Variants in ERCC6 observed in about 807,000 individuals in gnomAD.
ERCC6 encodes ERCC excision repair 6, chromatin remodeling factor.
In ERCC6, 116 loss-of-function variants were observed where a neutral mutation model predicts 158.7. That is an observed-to-expected ratio of 0.73 (90% CI 0.63 to 0.85). The LOEUF is 0.85. Ranked by LOEUF, ERCC6 falls within the 40% of genes least tolerant of loss-of-function variation. ERCC6 has a pLI of 0.00. For synonymous variants in ERCC6, 678 were observed against 659.3 expected (o/e 1.03, Z -0.43); for missense variants, 1,698 against 1,799.4 (o/e 0.94, Z 1.02).
rs891019568 is a variant in ERCC6, at chr10:49,456,842, C to A, written c.*1973G>T. On this transcript the variant is annotated 3_prime_UTR_variant, in exon 21 of 21. Coordinates refer to ENST00000355832, the MANE Select transcript of ERCC6 (RefSeq NM_000124.4). ...TCCAAGTCCCTCCAGCCAGGAGGCA[C>A]GGTAACAATGTGTCAGATCTCCACA... The A allele has an allele frequency of 6.6e-6, 1 of 151,000 alleles. No homozygotes were observed. The highest frequency in any genetic ancestry group is 2.1e-4 in the South Asian group (1 of 4,796). The allele number at this position is 151,000 out of a possible 1,614,324, so 9.4% of individuals were successfully genotyped here.
At position 49,478,357 on chromosome 10, in the gene ERCC6, T is replaced by C. The variant is rs2132546787; in HGVS notation, c.2283A>G (p.Glu761=). 2 of 1,601,074 alleles carry C rather than the reference T, an allele frequency of 1.2e-6. No homozygotes were observed. The highest frequency in any genetic ancestry group is 1.7e-6 in the Non-Finnish European group (2 of 1,168,100). ...KMSLSLPDKN[E]QVLFCRLTDE... Reference sequence around the variant, plus strand: ...GTTAACTCCTGGATTTACAGACCTGTTCATTTTTATCTGGCAAAGAAAGGC... The same window carrying C: ...GTTAACTCCTGGATTTACAGACCTGCTCATTTTTATCTGGCAAAGAAAGGC... Residue 761 remains glutamate, a synonymous_variant, in exon 11 of 21, where the codon GAA becomes GAG. Transcript: ENST00000355832.
chr10:49,435,200 TAAAAC>T, the ERCC6 span, among the ~76,000 whole-genome samples: 8 of 152,164 alleles, frequency 5.3e-5, no homozygotes, highest in Non-Finnish European at 1.2e-4. Flanking sequence ...AATATAGTCT[TAAAAC>T]AGAAAAATCA....
Position 49,481,342 on chromosome 10 carries a change from A to T in ERCC6, c.2169+1345T>A, listed in dbSNP as rs4253173. On this transcript the variant is annotated intron_variant, in intron 10 of 20. Coordinates refer to ENST00000355832, the MANE Select transcript of ERCC6 (RefSeq NM_000124.4). ...AAATTATTTCAAAATAAATTTTTTT[A>T]AAAAAAAGAATGGTATAACAGGAGA... is the stretch of plus-strand genomic sequence containing the variant. 3.6e-3 allele frequency among the ~76,000 whole-genome samples: 550 copies of T among 152,150 alleles called. 3 individuals are homozygous for T. The highest frequency in any genetic ancestry group is 0.01 in the African/African-American group (418 of 41,496).
At chr10:49,436,955 G>A in the ERCC6 span, among the ~76,000 whole-genome samples, 1 of 152,204 alleles carries the variant, frequency 6.6e-6, no homozygotes, top group Non-Finnish European at 1.5e-5. Context: ...CAGTGATATG[G>A]TTTGGCTGTG....
rs114694744 is a variant in ERCC6 at position 49,459,139 on chromosome 10, G to A, written c.4158C>T (p.Ser1386=). 29 of 1,614,210 alleles carry A rather than the reference G, an allele frequency of 1.8e-5. No homozygotes were observed. In the African/African-American group the frequency reaches 2.3e-4, roughly 13 times the overall value. The part of the protein sequence containing the change: ...DADSSSGPLA[S]SSLLAKMRAR... ...CTCTCATTTTAGCCAAGAGTGAGGA[G>A]GAAGCGAGGGGCCCGGATGAAGAGT... Residue 1386 remains serine, a synonymous_variant, in exon 21 of 21, where the codon TCC becomes TCT. Transcript: ENST00000355832.
chr10:49,520,927 T>C (rs371329841), intron 5 of ERCC6, among the ~76,000 whole-genome samples: 5 of 152,298 alleles, frequency 3.3e-5, no homozygotes, highest in South Asian at 2.1e-4. Context: ...ATGCGTAACA[T>C]TGTTAATTTG....
chr10:49,539,029 T>A lies in ERCC6; in HGVS notation c.-82A>T, dbSNP rs1837675310. On this transcript the variant is annotated 5_prime_UTR_variant, in exon 1 of 21. Coordinates refer to ENST00000355832, the MANE Select transcript of ERCC6 (RefSeq NM_000124.4). ...GCCGCCAGCCGCCTTGGAACCCAGCTCGACGGGCCGTGGCGCCTGCGCCCT... is the reference window on the plus strand; with the variant it reads ...GCCGCCAGCCGCCTTGGAACCCAGCACGACGGGCCGTGGCGCCTGCGCCCT... 1 of 152,568 alleles carries A rather than the reference T, an allele frequency of 6.6e-6. No homozygotes were observed. The highest frequency in any genetic ancestry group is 1.5e-5 in the Non-Finnish European group (1 of 68,344). 9.5% of individuals were successfully genotyped at this position (152,568 alleles called of 1,614,324 possible).
chr10:49,472,898 TA>T lies in ERCC6; in HGVS notation c.2829+10del, dbSNP rs1850806235. 6.2e-7 allele frequency: 1 copy of T among 1,610,942 alleles called. No homozygotes were observed. The highest frequency in any genetic ancestry group is 1.3e-5 in the African/African-American group (1 of 74,450). Reference sequence around the variant, plus strand: ...CTAATACATTCTTTTAAAAAAAAAATAAAAACAAACCTGCGTGTCCGTGCTT... The same window carrying T: ...CTAATACATTCTTTTAAAAAAAAAATAAAACAAACCTGCGTGTCCGTGCTT... On this transcript the variant is annotated intron_variant, in intron 15 of 20. Coordinates refer to ENST00000355832, the MANE Select transcript of ERCC6 (RefSeq NM_000124.4).
intron 4 of ERCC6, among the ~76,000 whole-genome samples, chr10:49,525,990 C>G (rs1837310076): frequency 1.3e-5 from 2 of 151,582 alleles, no homozygotes; most frequent in African/African-American, 4.9e-5. Context: ...AGTTTGTTAA[C>G]TCTCACTGTT....
intron 18 of ERCC6, among the ~76,000 whole-genome samples, chr10:49,464,763 G>A (rs1850644529): frequency 6.6e-6 from 1 of 152,240 alleles, no homozygotes; most frequent in Non-Finnish European, 1.5e-5. Context: ...AGCCTTGGGA[G>A]CTTCCACACA....
At chr10:49,495,569 A>G (rs201496784) in intron 7 of ERCC6, among the ~76,000 whole-genome samples, 1 of 151,944 alleles carries the variant, frequency 6.6e-6, no homozygotes, top group African/African-American at 2.4e-5. Context: ...ACCACCACAC[A>G]CTAGAAATCT....
rs192814563 is a variant in ERCC6 at position 49,521,814 on chromosome 10, G to A, written c.1397+2219C>T. On this transcript the variant is annotated intron_variant, in intron 5 of 20. Transcript: ENST00000355832. ...AATGAAGGAAAGCAGGATCCAAAGG[G>A]CGACTGCCCAGTTCCATTAAAAAAG... is the stretch of plus-strand genomic sequence containing the variant. Among the ~76,000 whole-genome samples, 22 of 152,326 alleles carry A rather than the reference G, an allele frequency of 1.4e-4. No individual in the cohort carries two copies. The East Asian group carries it at 2.9e-3, about 20-fold the overall frequency.
chr10:49,459,200 A>T lies in ERCC6; in HGVS notation c.4097T>A (p.Val1366Asp). The change falls in exon 21 of 21, where the codon GTC becomes GAC. Residue 1366 changes from valine (V) to aspartate (D), a missense_variant. Coordinates refer to ENST00000355832, the MANE Select transcript of ERCC6 (RefSeq NM_000124.4). ...TGCTCTTCCACTAAAATGCTCAGGG[A>T]CATTATCTTTTCCCTCCTTTTTCAT... is the stretch of plus-strand genomic sequence containing the variant. ...GIMKKEGKDN[V>D]PEHFSGRAED... 6.2e-7 allele frequency: 1 copy of T among 1,614,176 alleles called. No homozygotes were observed.
intron 7 of ERCC6, among the ~76,000 whole-genome samples, chr10:49,499,244 G>A (rs1851315964): frequency 6.6e-6 from 1 of 152,152 alleles, no homozygotes; most frequent in African/African-American, 2.4e-5. Flanking sequence ...ATCTCCAAGT[G>A]TTTTCTTCCC....
Position 49,455,927 on chromosome 10 carries a change from G to C in ERCC6, c.*2888C>G, listed in dbSNP as rs1355713402. On this transcript the variant is annotated 3_prime_UTR_variant, in exon 21 of 21. Coordinates refer to ENST00000355832, the MANE Select transcript of ERCC6 (RefSeq NM_000124.4). ...GGAGAAATGGGTCCTTTTATGGAGG[G>C]TGAATTGATGCAAGCAATTCTGCTA... 1 of 152,174 alleles carries C rather than the reference G, an allele frequency of 6.6e-6. No homozygotes were observed. Among genetic ancestry groups the C allele is most frequent in the Non-Finnish European group, 1.5e-5 (1 of 68,032 alleles). 9.4% of individuals were successfully genotyped at this position (152,174 alleles called of 1,614,324 possible).
intron 7 of ERCC6, among the ~76,000 whole-genome samples, chr10:49,498,338 T>G (rs1458891768): frequency 6.6e-6 from 1 of 152,134 alleles, no homozygotes; most frequent in Non-Finnish European, 1.5e-5. Flanking sequence ...ACATAGCCAA[T>G]GAGGCAATAA....
At chr10:49,484,566 C>A (rs1003194187) in intron 8 of ERCC6, among the ~76,000 whole-genome samples, 6 of 152,140 alleles carry the variant, frequency 3.9e-5, no homozygotes, top group Non-Finnish European at 7.4e-5. Context: ...AAAGCAAGAC[C>A]CTGTCTCTAC....
chr10:49,445,120 A>G, the ERCC6 span, among the ~76,000 whole-genome samples: 1 of 152,248 alleles, frequency 6.6e-6, no homozygotes, highest in African/African-American at 2.4e-5. Context: ...GTAAATGTAG[A>G]AAATGCAACT....
intron 5 of ERCC6, among the ~76,000 whole-genome samples, chr10:49,511,586 G>T (rs939012147): frequency 3.9e-5 from 6 of 152,026 alleles, no homozygotes; most frequent in African/African-American, 1.4e-4. Flanking sequence ...CACCATGTCC[G>T]GCTAAGTTTT....
Sources: gnomAD v4.1 joint callset for allele counts (sites outside exome capture counted in the v4.1 genomes callset) on GRCh38, gnomAD v4.1.1 for gene constraint, MANE v1.5 for transcripts, NCBI Gene and HGNC (gene_info 2026-07-23, HGNC 2026-07-21) for gene names.